The following CLEC16A variants were observed in gnomAD, a reference collection of about 807,000 sequenced individuals.
CLEC16A encodes the protein C-type lectin domain containing 16A.
A neutral mutation model predicts 109.5 loss-of-function variants in CLEC16A; 51 were observed. That is an observed-to-expected ratio of 0.47 (90% CI 0.37 to 0.59). The LOEUF is 0.59. Among genes scored for constraint, CLEC16A ranks in the 20% least tolerant of loss-of-function variants. The pLI, the probability that CLEC16A is intolerant of heterozygous loss-of-function variation, is 0.00. For synonymous variants in CLEC16A, 673 were observed against 564.2 expected, an observed-to-expected ratio of 1.19 and a Z score of -2.73; for missense variants, 1,339 against 1,394.0, an observed-to-expected ratio of 0.96 and a Z score of 0.63.
At chr16:11,175,481 C>G (rs2068710269) in intron 23 of CLEC16A, among the ~76,000 whole-genome samples, 1 of 152,156 alleles carries the variant, frequency 6.6e-6, no homozygotes, top group African/African-American at 2.4e-5. Flanking sequence ...CAGCTCAGCA[C>G]TTGACTAGAA....
At chr16:11,030,161 A>G (rs532431106) in intron 13 of CLEC16A, among the ~76,000 whole-genome samples, 1 of 152,322 alleles carries the variant, frequency 6.6e-6, no homozygotes, top group African/African-American at 2.4e-5. Flanking sequence ...GTTTTGGACT[A>G]TTACAAACAA....
chr16:10,982,779 G>T (rs2043397249), intron 9 of CLEC16A, 99 bp from the exon 10 acceptor site: 1 of 684,480 alleles, frequency 1.5e-6, no homozygotes, highest in African/African-American at 1.8e-5. Flanking sequence ...CTTAATACAG[G>T]ACTTAGGTAG....
Position 11,021,685 on chromosome 16 carries a change from C to G in CLEC16A, c.1436+1360C>G, listed in dbSNP as rs533760432. On this transcript the variant is annotated intron_variant, in intron 12 of 23. Coordinates refer to ENST00000409790, the MANE Select transcript of CLEC16A (RefSeq NM_015226.3). ...TGGTGGCAGGTGCCTGTAGTCCCGG[C>G]TACTTGAGAGGCTGAGGTGGGAGAT... is the stretch of plus-strand genomic sequence containing the variant. Among the ~76,000 whole-genome samples the G allele has an allele frequency of 7.9e-5, 12 of 152,262 alleles. No individual in the cohort carries two copies. The East Asian group carries it at 2.1e-3, about 27-fold the overall frequency.
intron 4 of CLEC16A, among the ~76,000 whole-genome samples, chr16:10,969,587 G>A (rs985141243): frequency 7.2e-5 from 11 of 152,166 alleles, no homozygotes; most frequent in African/African-American, 2.7e-4. Flanking sequence ...GGGCACAAGC[G>A]ATCCTCCTAC....
chr16:11,071,246 T>C (rs1271086254), intron 19 of CLEC16A: 1 of 152,236 alleles, frequency 6.6e-6, no homozygotes, highest in East Asian at 1.9e-4. Context: ...ATTCTCTGTG[T>C]TGGCTTATTT....
chr16:10,991,423 CAAAAAAAAAA>C (rs756161193), intron 10 of CLEC16A, among the ~76,000 whole-genome samples: 5 of 63,376 alleles, frequency 7.9e-5, no homozygotes, highest in African/African-American at 1.8e-4. Context: ...GACTCCGTCT[CAAAAAAAAAA>C]AAAAAAAAAA....
intron 6 of CLEC16A, 23 bp from the exon 7 acceptor site, chr16:10,972,915 T>C: frequency 1.3e-6 from 2 of 1,571,304 alleles, no homozygotes; most frequent in Non-Finnish European, 1.7e-6. Context: ...TTGACTTTTT[T>C]TTTCTTCTGT....
rs569086266 is a variant in CLEC16A at position 11,117,848 on chromosome 16, A to G, written c.2117-2767A>G. Reference sequence around the variant, plus strand: ...CGGACTGAGCTCTCTTGTTTAAAACATAAGTGGCAGAGGATTGCATACAGC... The same window carrying G: ...CGGACTGAGCTCTCTTGTTTAAAACGTAAGTGGCAGAGGATTGCATACAGC... On this transcript the variant is annotated intron_variant, in intron 19 of 23. Coordinates refer to ENST00000409790, the MANE Select transcript of CLEC16A (RefSeq NM_015226.3). Among the ~76,000 whole-genome samples, 266 of 152,354 alleles carry G rather than the reference A, an allele frequency of 1.7e-3. 2 individuals carry two copies. Among genetic ancestry groups the G allele is most frequent in the African/African-American group, 6.2e-3 (256 of 41,596 alleles).
chr16:10,985,063 C>T (rs993216802), intron 10 of CLEC16A, among the ~76,000 whole-genome samples: 1 of 151,772 alleles, frequency 6.6e-6, no homozygotes, highest in Non-Finnish European at 1.5e-5. Flanking sequence ...ATTGGCCGGG[C>T]ATGGTGGCAG....
intron 19 of CLEC16A, among the ~76,000 whole-genome samples, chr16:11,086,695 AC>A (rs1441694361): frequency 6.6e-6 from 1 of 152,094 alleles, no homozygotes; most frequent in Non-Finnish European, 1.5e-5. Flanking sequence ...GGCGCCTGCC[AC>A]CATGCCTGGC....
intron 13 of CLEC16A, among the ~76,000 whole-genome samples, chr16:11,036,376 C>A (rs2047019699): frequency 6.6e-6 from 1 of 152,050 alleles, no homozygotes. Flanking sequence ...AGTCCTGGCC[C>A]TCCCTGTCCA....
chr16:11,013,083 A>T (rs1422752488), intron 11 of CLEC16A, among the ~76,000 whole-genome samples: 1 of 152,148 alleles, frequency 6.6e-6, no homozygotes, highest in Non-Finnish European at 1.5e-5. Flanking sequence ...CATCTCTGGG[A>T]TGAGGGAGGA....
In CLEC16A at chr16:11,060,952, G is replaced by T. The variant is rs749867018; in HGVS notation, c.2046G>T (p.Gly682=). ...MLRSLSLQLR[G]EPETQLPLTR... ...GTTCCCTGTCACTGCAATTGCGAGG[G>T]GAGCCTGAGACACAGTTGCCGCTGA... Residue 682 remains glycine (G), a synonymous_variant, in exon 19 of 24, where the codon GGG becomes GGT. Transcript: ENST00000409790. The T allele has an allele frequency of 6.8e-6, 11 of 1,612,634 alleles. No homozygotes were observed. Among genetic ancestry groups the T allele is most frequent in the Non-Finnish European group, 9.3e-6 (11 of 1,179,506 alleles).
chr16:10,990,039 G>T (rs548200352), intron 10 of CLEC16A, among the ~76,000 whole-genome samples: 1 of 152,188 alleles, frequency 6.6e-6, no homozygotes, highest in Non-Finnish European at 1.5e-5. Flanking sequence ...CTGGTTCCAA[G>T]GCGCGCACAT....
chr16:10,985,572 T>A (rs2043595492), intron 10 of CLEC16A, among the ~76,000 whole-genome samples: 1 of 151,806 alleles, frequency 6.6e-6, no homozygotes, highest in South Asian at 2.1e-4. Flanking sequence ...AGTTGCATGA[T>A]TTCCAAGCCT....
intron 19 of CLEC16A, among the ~76,000 whole-genome samples, chr16:11,061,554 T>C (rs2152905443): frequency 6.6e-6 from 1 of 152,342 alleles, no homozygotes; most frequent in South Asian, 2.1e-4. Context: ...AGCATGAGGC[T>C]CAGCTTTAGA....
At position 10,971,301 on chromosome 16, in the gene CLEC16A, T is replaced by C. The variant is rs546276010; in HGVS notation, c.598+71T>C. The C allele has an allele frequency of 7.9e-4, 881 of 1,108,506 alleles. 2 individuals are homozygous for C. Among genetic ancestry groups the C allele is most frequent in the South Asian group, 2.3e-3 (172 of 74,222 alleles). The allele number at this position is 1,108,506 out of a possible 1,614,324, so 68.7% of individuals were successfully genotyped here. On this transcript the variant is annotated intron_variant, in intron 5 of 23. Coordinates refer to ENST00000409790, the MANE Select transcript of CLEC16A (RefSeq NM_015226.3). The stretch of plus-strand genomic sequence containing the variant: ...CAGCAAGCACTCACTCCCGTGTGTG[T>C]GCGTACAGTTCTCCGATTGTCACGA...
At chr16:11,139,836 C>A (rs934548242) in intron 22 of CLEC16A, among the ~76,000 whole-genome samples, 2 of 152,206 alleles carry the variant, frequency 1.3e-5, no homozygotes, top group African/African-American at 4.8e-5. Context: ...CTACTTCTAG[C>A]CTTACAGACT....
chr16:11,125,046 A>C (rs957308836), intron 21 of CLEC16A, among the ~76,000 whole-genome samples: 32 of 152,124 alleles, frequency 2.1e-4, no homozygotes, highest in African/African-American at 7.2e-4. Context: ...CCATGATTGC[A>C]CCACTGCACT....
Sources: allele counts gnomAD v4.1 joint callset (sites outside exome capture counted in the v4.1 genomes callset), GRCh38; gene constraint gnomAD v4.1.1; transcripts MANE v1.5; gene names NCBI Gene and HGNC (gene_info 2026-07-23, HGNC 2026-07-21).